The following SORCS3 variants were observed in gnomAD, a reference collection of about 807,000 sequenced individuals.
The protein encoded by SORCS3 is sortilin related VPS10 domain containing receptor 3.
Under a neutral mutation model 146.3 loss-of-function variants are expected in SORCS3, and 57 were observed. That is an observed-to-expected ratio of 0.39 (90% CI 0.31 to 0.49). The LOEUF (loss-of-function observed/expected upper bound fraction) is 0.49, where lower values mean the gene tolerates loss of function less well. SORCS3 is among the 20% of genes least tolerant of loss of function. The probability of loss-of-function intolerance (pLI) is 0.92; values close to 1 mark genes in which losing one functional copy is unlikely to be tolerated. For synonymous variants in SORCS3, 653 were observed against 618.5 expected, an observed-to-expected ratio of 1.06 and a Z score of -0.83; for missense variants, 1,341 against 1,575.5, an observed-to-expected ratio of 0.85 and a Z score of 2.52.
At position 105,263,341 on chromosome 10, in the gene SORCS3, C is replaced by T. The variant is rs752753981; in HGVS notation, c.3636C>T (p.Ser1212=). ...TTGCCACTATTGCAAACAGCGAAAG[C>T]ACAAAGGAGATCCCCAACTGCACTA... ...GGIATIANSE[S]TKEIPNCTSV Residue 1212 remains serine (S), a synonymous_variant, in exon 27 of 27, where the codon AGC becomes AGT. Transcript: ENST00000369701. 2 of 1,614,090 alleles carry T rather than the reference C, an allele frequency of 1.2e-6. No individual in the cohort carries two copies. The highest frequency in any genetic ancestry group is 2.2e-5 in the South Asian group (2 of 91,082).
intron 4 of SORCS3, among the ~76,000 whole-genome samples, chr10:105,038,737 A>G (rs2055320980): frequency 6.6e-6 from 1 of 152,288 alleles, no homozygotes; most frequent in East Asian, 1.9e-4. Context: ...TAATACTTTA[A>G]CATCGATATC....
intron 2 of SORCS3, among the ~76,000 whole-genome samples, chr10:104,885,557 A>G (rs1416478134): frequency 6.6e-6 from 1 of 152,166 alleles, no homozygotes; most frequent in Non-Finnish European, 1.5e-5. Flanking sequence ...ATCTTTTTAA[A>G]TGCTTGCAGA....
chr10:104,988,893 T>C (rs563491573), intron 4 of SORCS3, among the ~76,000 whole-genome samples: 69 of 152,326 alleles, frequency 4.5e-4, no homozygotes, highest in Non-Finnish European at 9.0e-4. Context: ...TTTATAATCC[T>C]AATTAGTACC....
Position 104,879,108 on chromosome 10 carries a change from T to G in SORCS3, c.695+36249T>G, listed in dbSNP as rs2018605913. On this transcript the variant is annotated intron_variant, in intron 2 of 26. Coordinates refer to ENST00000369701, the MANE Select transcript of SORCS3 (RefSeq NM_014978.3). ...ACAGATTATGATGGATCAGCATATG[T>G]TAGTTTTCTATTAAAACTATTGTAA... Among the ~76,000 whole-genome samples the G allele has an allele frequency of 2.0e-5, 3 of 152,242 alleles. No homozygotes were observed. The South Asian group carries it at 6.2e-4, about 32-fold the overall frequency.
intron 1 of SORCS3, among the ~76,000 whole-genome samples, chr10:104,790,791 G>A (rs2017487810): frequency 4.6e-5 from 7 of 152,158 alleles, no homozygotes; most frequent in Admixed American, 3.9e-4. Context: ...TGGTCTCAAC[G>A]CTAATGACAT....
At chr10:105,015,140 G>A (rs2055157672) in intron 4 of SORCS3, among the ~76,000 whole-genome samples, 1 of 152,200 alleles carries the variant, frequency 6.6e-6, no homozygotes, top group Non-Finnish European at 1.5e-5. Flanking sequence ...GTATGGGTGA[G>A]GTTGAGGTTC....
intron 14 of SORCS3, among the ~76,000 whole-genome samples, chr10:105,182,877 AT>A (rs1179802578): frequency 6.6e-6 from 1 of 151,746 alleles, no homozygotes. Context: ...TAATTTTTGT[AT>A]TTTTTATAGA....
chr10:105,133,054 T>A (rs1398437730), intron 7 of SORCS3, among the ~76,000 whole-genome samples: 1 of 152,208 alleles, frequency 6.6e-6, no homozygotes. Context: ...AGCCTGCTTT[T>A]ACCCTAACAT....
intron 7 of SORCS3, among the ~76,000 whole-genome samples, chr10:105,107,039 T>A (rs529511382): frequency 6.6e-6 from 1 of 152,286 alleles, no homozygotes; most frequent in Non-Finnish European, 1.5e-5. Context: ...TGTGACCTCA[T>A]GTACTGCAGC....
intron 2 of SORCS3, among the ~76,000 whole-genome samples, chr10:104,865,954 G>C (rs563379227): frequency 6.6e-6 from 1 of 152,306 alleles, no homozygotes; most frequent in South Asian, 2.1e-4. Flanking sequence ...AGGGGTCAGA[G>C]AATAGTTTTC....
chr10:105,074,026 C>T (rs2055573788), intron 5 of SORCS3, among the ~76,000 whole-genome samples: 2 of 152,152 alleles, frequency 1.3e-5, no homozygotes, highest in Non-Finnish European at 1.5e-5. Context: ...TTAAACTGTC[C>T]TTCAGTAAAG....
At chr10:104,755,510 T>G (rs2017040682) in intron 1 of SORCS3, among the ~76,000 whole-genome samples, 1 of 152,124 alleles carries the variant, frequency 6.6e-6, no homozygotes, top group African/African-American at 2.4e-5. Flanking sequence ...AGAGACAAAC[T>G]AAGTGTTGCA....
chr10:104,748,507 T>G (rs1655050784), intron 1 of SORCS3, among the ~76,000 whole-genome samples: 1 of 152,160 alleles, frequency 6.6e-6, no homozygotes, highest in South Asian at 2.1e-4. Context: ...AGGAAAAAAC[T>G]GAGCCTCAAA....
intron 5 of SORCS3, among the ~76,000 whole-genome samples, chr10:105,061,117 T>G (rs1461871675): frequency 6.6e-6 from 1 of 152,086 alleles, no homozygotes; most frequent in Non-Finnish European, 1.5e-5. Flanking sequence ...TTACAAATAA[T>G]TTTTTAAACA....
chr10:104,742,001 GT>G (rs890098856), intron 1 of SORCS3, among the ~76,000 whole-genome samples: 7 of 151,430 alleles, frequency 4.6e-5, no homozygotes, highest in Admixed American at 1.3e-4. Flanking sequence ...TGGTATCAGT[GT>G]TTTTTTAAAA....
At chr10:104,664,732 G>T (rs1359823862) in intron 1 of SORCS3, 1 of 152,162 alleles carries the variant, frequency 6.6e-6, no homozygotes, top group Non-Finnish European at 1.5e-5. Flanking sequence ...AGATGCTAGG[G>T]GCGTGTGCTT....
At chr10:105,022,878 AGCACTAAGGT>A (rs1286914282) in intron 4 of SORCS3, among the ~76,000 whole-genome samples, 1 of 152,224 alleles carries the variant, frequency 6.6e-6, no homozygotes, top group African/African-American at 2.4e-5. Context: ...GTTTTAAAAC[AGCACTAAGGT>A]GCCTTGATGA....
chr10:105,065,426 A>T (rs561946828), intron 5 of SORCS3, among the ~76,000 whole-genome samples: 1 of 152,100 alleles, frequency 6.6e-6, no homozygotes, highest in South Asian at 2.1e-4. Flanking sequence ...TCAGTCTGGG[A>T]AAATGAATTC....
At chr10:105,209,826 A>G (rs181831364) in intron 16 of SORCS3, among the ~76,000 whole-genome samples, 165 of 152,260 alleles carry the variant, frequency 1.1e-3, no homozygotes, top group Non-Finnish European at 2.2e-3. Flanking sequence ...GGGTGGGGTC[A>G]GACTCGGAAG....
Sources: allele counts gnomAD v4.1 joint callset (sites outside exome capture counted in the v4.1 genomes callset), GRCh38; gene constraint gnomAD v4.1.1; transcripts MANE v1.5; gene names NCBI Gene and HGNC (gene_info 2026-07-23, HGNC 2026-07-21).